The following ADAMTSL1 variants were observed in gnomAD, a reference collection of about 807,000 sequenced individuals.
ADAMTSL1 encodes the protein ADAMTS-like protein 1.
A neutral mutation model predicts 201.8 loss-of-function variants in ADAMTSL1; 126 were observed. The observed-to-expected ratio is 0.62, with a 90% CI of 0.54 to 0.72. The LOEUF (loss-of-function observed/expected upper bound fraction) is 0.72. ADAMTSL1 is among the 30% of genes least tolerant of loss of function. ADAMTSL1 has a pLI of 0.00. For missense variants in ADAMTSL1, 2,679 were observed against 2,277.8 expected (o/e 1.18, Z -3.59); for synonymous variants, 1,121 against 903.4 (o/e 1.24, Z -4.32).
chr9:17,992,372 C>T (rs750458605), intron 1 of ADAMTSL1, among the ~76,000 whole-genome samples: 27 of 152,140 alleles, frequency 1.8e-4, no homozygotes, highest in Non-Finnish European at 3.7e-4. Flanking sequence ...TATTCAATGC[C>T]ATTCACATTG....
At chr9:18,153,177 T>G (rs544845505) in intron 1 of ADAMTSL1, among the ~76,000 whole-genome samples, 1 of 152,164 alleles carries the variant, frequency 6.6e-6, no homozygotes, top group Admixed American at 6.6e-5. Context: ...ATCCACATCC[T>G]ATACTTGCCA....
chr9:18,707,075 C>A, intron 14 of ADAMTSL1, 27 bp downstream of exon 14: 1 of 1,596,766 alleles, frequency 6.3e-7, no homozygotes. Flanking sequence ...TGGCTCAGAT[C>A]CCCGCCATCT....
intron 2 of ADAMTSL1, among the ~76,000 whole-genome samples, chr9:18,468,052 C>T (rs950071513): frequency 6.6e-6 from 1 of 152,088 alleles, no homozygotes; most frequent in Admixed American, 6.6e-5. Context: ...TAATTCAAAC[C>T]TCAACAATTA....
At chr9:18,160,669 T>A (rs958795661) in intron 1 of ADAMTSL1, among the ~76,000 whole-genome samples, 18 of 97,498 alleles carry the variant, frequency 1.8e-4, no homozygotes, top group African/African-American at 3.2e-4. Flanking sequence ...TTTCTTTTTT[T>A]AATTAATTAA....
chr9:18,158,440 C>T (rs564161728), intron 1 of ADAMTSL1, among the ~76,000 whole-genome samples: 37 of 151,880 alleles, frequency 2.4e-4, no homozygotes, highest in Non-Finnish European at 4.1e-4. Flanking sequence ...TTTGGATTAA[C>T]GGAAAGAGGC....
At chr9:18,886,189 TATATATATATATATATATATATACACAC>T (rs1828866150) in intron 23 of ADAMTSL1, among the ~76,000 whole-genome samples, 1 of 129,674 alleles carries the variant, frequency 7.7e-6, no homozygotes, top group African/African-American at 2.9e-5. Context: ...TATATATATA[TATATATATATATATATATATATACACAC>T]ACATACATAT....
intron 16 of ADAMTSL1, among the ~76,000 whole-genome samples, chr9:18,766,807 T>C (rs1371843138): frequency 8.5e-6 from 1 of 117,988 alleles, no homozygotes; most frequent in Non-Finnish European, 1.7e-5. Flanking sequence ...CCAAAAGTCC[T>C]CACCCCTAAT....
intron 23 of ADAMTSL1, among the ~76,000 whole-genome samples, chr9:18,853,918 T>TGTGTGTGTGTGTGCGTGC (rs139332733): frequency 6.2e-5 from 9 of 145,382 alleles, no homozygotes; most frequent in Admixed American, 6.8e-5. Context: ...TGTGTGTGTG[T>TGTGTGTGTGTGTGCGTGC]GCGCGTGCAT....
intron 23 of ADAMTSL1, among the ~76,000 whole-genome samples, chr9:18,881,667 T>C (rs1053315272): frequency 2.6e-5 from 4 of 152,068 alleles, no homozygotes; most frequent in African/African-American, 9.7e-5. Context: ...TGTTAGAAAA[T>C]CATGCCAGTA....
chr9:18,713,279 G>T (rs914293866), intron 14 of ADAMTSL1, among the ~76,000 whole-genome samples: 3 of 151,992 alleles, frequency 2.0e-5, no homozygotes, highest in Admixed American at 6.6e-5. Context: ...TGGACTAAAT[G>T]CTCCAATTAA....
At chr9:18,469,006 A>G (rs986889366) in intron 2 of ADAMTSL1, among the ~76,000 whole-genome samples, 29 of 152,222 alleles carry the variant, frequency 1.9e-4, no homozygotes, top group African/African-American at 7.0e-4. Flanking sequence ...CCCATTACAC[A>G]ACCTGCAGTA....
At position 17,952,366 on chromosome 9, in the gene ADAMTSL1, C is replaced by T. The variant is rs930823530; in HGVS notation, c.87+45444C>T. On this transcript the variant is annotated intron_variant, in intron 1 of 29. Coordinates refer to the ADAMTSL1 transcript ENST00000680146. ...AAAGTTTTATTTTTTAACTTACAGG[C>T]CTTTAATCCATGTGGTAATTTTTTG... Among the ~76,000 whole-genome samples the T allele has an allele frequency of 3.3e-5, 5 of 151,880 alleles. No homozygotes were observed. In the South Asian group the frequency reaches 6.2e-4, roughly 19 times the overall value.
At chr9:18,367,487 C>G (rs1038260866) in intron 2 of ADAMTSL1, among the ~76,000 whole-genome samples, 1 of 151,656 alleles carries the variant, frequency 6.6e-6, no homozygotes, top group African/African-American at 2.4e-5. Flanking sequence ...AGCTGTGAAA[C>G]TGGGAAAGCC....
intron 2 of ADAMTSL1, among the ~76,000 whole-genome samples, chr9:18,361,291 A>G (rs189007478): frequency 5.1e-4 from 78 of 152,354 alleles, no homozygotes; most frequent in Middle Eastern, 6.8e-3. Flanking sequence ...GAACAGAGGA[A>G]TCATCTATAA....
In ADAMTSL1 at chr9:18,574,132, G is replaced by A. The variant is rs1340583879; in HGVS notation, c.340G>A (p.Asp114Asn). ...QFYEWLPVSN[D>N]PDNPCSLKCQ... ...TTATGAATGGCTTCCTGTGTCTAAT[G>A]ACCCTGACAACCCATGTTCACTCAA... Residue 114 changes from aspartate (D) to asparagine (N), a missense_variant, in exon 4 of 29, where the codon GAC becomes AAC. Transcript: ENST00000380548. 8 of 1,613,984 alleles carry A rather than the reference G, an allele frequency of 5.0e-6. No homozygotes were observed. The highest frequency in any genetic ancestry group is 5.9e-6 in the Non-Finnish European group (7 of 1,180,016).
rs1045417718 is a variant in ADAMTSL1 at position 18,908,631 on chromosome 9, TTTTA to T, written c.*95_*98del. The T allele has an allele frequency of 4.4e-5, 49 of 1,123,752 alleles. No homozygotes were observed. The highest frequency in any genetic ancestry group is 2.9e-4 in the East Asian group (11 of 38,404). 69.6% of individuals were successfully genotyped at this position (1,123,752 alleles called of 1,614,324 possible). A position where few individuals can be genotyped will look rare whatever the true frequency, so the allele number is the denominator to read the frequency against. On this transcript the variant is annotated 3_prime_UTR_variant, in exon 29 of 29. Transcript: ENST00000380548. Reference sequence around the variant, plus strand: ...TCGGACAGAACCTAAGCTTTCTTCATTTTATTTATTTATTTCCCCCTCCCCACTC... The same window carrying T: ...TCGGACAGAACCTAAGCTTTCTTCATTTTATTTATTTCCCCCTCCCCACTC...
intron 2 of ADAMTSL1, among the ~76,000 whole-genome samples, chr9:18,226,140 C>G (rs149442877): frequency 2.0e-5 from 3 of 151,990 alleles, no homozygotes; most frequent in Non-Finnish European, 4.4e-5. Flanking sequence ...GACAAAGATG[C>G]CATTTTTTGA....
rs1830258083 is a variant in ADAMTSL1 at position 18,905,583 on chromosome 9, C to T, written c.4852-199C>T. 5.7e-5 allele frequency: 32 copies of T among 564,468 alleles called. No homozygotes were observed. In the South Asian group the frequency reaches 5.9e-4, roughly 10 times the overall value. The allele number at this position is 564,468 out of a possible 1,614,324, so 35.0% of individuals were successfully genotyped here. A position where few individuals can be genotyped will look rare whatever the true frequency, so the allele number is the denominator to read the frequency against. ...CATTTGCTGGCAGAATGCCCACAGACCACAGGAAATCTAACCATCCCATAA... is the reference window on the plus strand; with the variant it reads ...CATTTGCTGGCAGAATGCCCACAGATCACAGGAAATCTAACCATCCCATAA... On this transcript the variant is annotated intron_variant, in intron 26 of 28. Coordinates refer to ENST00000380548, the MANE Select transcript of ADAMTSL1 (RefSeq NM_001040272.6).
Position 18,504,941 on chromosome 9 carries a change from G to C in ADAMTSL1, c.176G>C (p.Arg59Pro). Residue 59 changes from arginine (R) to proline (P), a missense_variant, in exon 2 of 29, where the codon CGC becomes CCC. Coordinates refer to ENST00000380548, the MANE Select transcript of ADAMTSL1 (RefSeq NM_001040272.6). ...GGTGGGGCCTCCTACTCTCTGAGGC[G>C]CTGCCTGAGCAGCAAGTAAGTCCTG... ...CGGGASYSLRRCLSSKSCEGR... is the reference protein window; with the variant it reads ...CGGGASYSLRPCLSSKSCEGR... 3.1e-6 allele frequency: 5 copies of C among 1,608,732 alleles called. No homozygotes were observed. The highest frequency in any genetic ancestry group is 4.2e-6 in the Non-Finnish European group (5 of 1,179,000).
Sources: allele counts gnomAD v4.1 joint callset (sites outside exome capture counted in the v4.1 genomes callset), GRCh38; gene constraint gnomAD v4.1.1; transcripts MANE v1.5; gene names NCBI Gene and HGNC (gene_info 2026-07-23, HGNC 2026-07-21).